PCDH7: variants seen among roughly 807,000 people sequenced by gnomAD.
PCDH7 encodes protocadherin-7.
In PCDH7, 17 loss-of-function variants were observed where a neutral mutation model predicts 58.9. That is an observed-to-expected ratio of 0.29 (90% CI 0.20 to 0.43). The LOEUF (loss-of-function observed/expected upper bound fraction) is 0.43. Ranked by LOEUF, PCDH7 falls within the 20% of genes least tolerant of loss-of-function variation. The pLI, the probability that PCDH7 is intolerant of heterozygous loss-of-function variation, is 1.00. For missense variants in PCDH7, 1,274 were observed against 1,441.0 expected, an observed-to-expected ratio of 0.88 and a Z score of 1.88; for synonymous variants, 664 against 616.4, an observed-to-expected ratio of 1.08 and a Z score of -1.14.
At chr4:30,978,140 C>T (rs565184214) in intron 3 of PCDH7, among the ~76,000 whole-genome samples, 1 of 152,152 alleles carries the variant, frequency 6.6e-6, no homozygotes, top group South Asian at 2.1e-4. Context: ...TCTGAGTTCA[C>T]AGAATCCTGA....
intron 1 of PCDH7, among the ~76,000 whole-genome samples, chr4:30,880,168 G>T (rs1736785444): frequency 6.6e-6 from 1 of 151,744 alleles, no homozygotes; most frequent in Non-Finnish European, 1.5e-5. Context: ...GAGCCAAGAG[G>T]TTTAACTAAC....
intron 3 of PCDH7, among the ~76,000 whole-genome samples, chr4:31,121,807 G>C (rs1270694063): frequency 6.6e-6 from 1 of 152,074 alleles, no homozygotes; most frequent in African/African-American, 2.4e-5. Flanking sequence ...TGATTCATCT[G>C]TAAGGAGTTC....
At chr4:30,852,608 A>G (rs1732901900) in intron 1 of PCDH7, among the ~76,000 whole-genome samples, 1 of 152,006 alleles carries the variant, frequency 6.6e-6, no homozygotes, top group African/African-American at 2.4e-5. Context: ...TTATTGAATC[A>G]TAATGGTCCT....
chr4:30,822,604 C>G (rs1728513828), intron 1 of PCDH7, among the ~76,000 whole-genome samples: 1 of 152,024 alleles, frequency 6.6e-6, no homozygotes, highest in Non-Finnish European at 1.5e-5. Flanking sequence ...GCTTCCACCT[C>G]TTTATATTAA....
chr4:30,827,324 A>T (rs548625560), intron 1 of PCDH7, among the ~76,000 whole-genome samples: 37 of 152,144 alleles, frequency 2.4e-4, no homozygotes, highest in Admixed American at 7.9e-4. Context: ...AGTTTAAGGA[A>T]TTTTTTTTCC....
chr4:31,062,931 TATATA>T (rs1757800336), intron 3 of PCDH7, among the ~76,000 whole-genome samples: 1 of 151,932 alleles, frequency 6.6e-6, no homozygotes, highest in Non-Finnish European at 1.5e-5. Context: ...GTGTATAATG[TATATA>T]ATATATTACA....
intron 2 of PCDH7, among the ~76,000 whole-genome samples, chr4:30,945,354 A>G (rs1319029634): frequency 6.6e-6 from 1 of 152,106 alleles, no homozygotes; most frequent in African/African-American, 2.4e-5. Flanking sequence ...TCTTCATTGT[A>G]TAATTGCTTA....
chr4:30,882,884 A>T (rs190775035), intron 1 of PCDH7, among the ~76,000 whole-genome samples: 114 of 152,152 alleles, frequency 7.5e-4, no homozygotes, highest in Non-Finnish European at 1.4e-3. Flanking sequence ...TGTTAACCTT[A>T]CTCCATTTTC....
intron 3 of PCDH7, among the ~76,000 whole-genome samples, chr4:31,079,307 A>AAGATATATATATATATAT (rs1759273052): frequency 1.1e-5 from 1 of 92,176 alleles, no homozygotes; most frequent in South Asian, 3.7e-4. Context: ...ACAATACTGG[A>AAGATATATATATATATAT]AGATATATAT....
intron 1 of PCDH7, among the ~76,000 whole-genome samples, chr4:30,879,968 C>T (rs1736757572): frequency 6.6e-6 from 1 of 152,066 alleles, no homozygotes; most frequent in Non-Finnish European, 1.5e-5. Context: ...TTGCATACTT[C>T]AGTTTTTAAC....
At chr4:31,084,876 C>T (rs1472973153) in intron 3 of PCDH7, among the ~76,000 whole-genome samples, 1 of 151,796 alleles carries the variant, frequency 6.6e-6, no homozygotes, top group Non-Finnish European at 1.5e-5. Flanking sequence ...CACTCATCAC[C>T]AAGGGGATGG....
At chr4:31,006,915 A>G (rs1752813097) in intron 3 of PCDH7, among the ~76,000 whole-genome samples, 1 of 123,862 alleles carries the variant, frequency 8.1e-6, no homozygotes, top group Non-Finnish European at 1.6e-5. Context: ...AAAGAAAAAG[A>G]AAAAGAAACA....
intron 3 of PCDH7, among the ~76,000 whole-genome samples, chr4:30,983,373 A>T (rs909473462): frequency 6.6e-6 from 1 of 152,224 alleles, no homozygotes; most frequent in Non-Finnish European, 1.5e-5. Flanking sequence ...TTGGACAAAG[A>T]TGAAAATCAG....
At chr4:30,951,831 C>T (rs753397698) in intron 3 of PCDH7, among the ~76,000 whole-genome samples, 31 of 152,196 alleles carry the variant, frequency 2.0e-4, no homozygotes, top group Non-Finnish European at 3.1e-4. Context: ...AGCTTCTCCT[C>T]ATTTCTCCCC....
At chr4:30,948,493 A>G (rs1427231428) in intron 2 of PCDH7, among the ~76,000 whole-genome samples, 1 of 152,132 alleles carries the variant, frequency 6.6e-6, no homozygotes, top group Non-Finnish European at 1.5e-5. Context: ...ACTTTATTTT[A>G]CTGAAATGCA....
chr4:30,873,159 G>C (rs1735837966), intron 1 of PCDH7, among the ~76,000 whole-genome samples: 1 of 151,996 alleles, frequency 6.6e-6, no homozygotes, highest in African/African-American at 2.4e-5. Context: ...TACTACTTCT[G>C]CTCAACTGGG....
At chr4:30,800,911 A>G (rs2109306118) in intron 1 of PCDH7, among the ~76,000 whole-genome samples, 1 of 152,328 alleles carries the variant, frequency 6.6e-6, no homozygotes, top group South Asian at 2.1e-4. Flanking sequence ...TTTGGAAGTC[A>G]TTGGAAGTTT....
chr4:30,804,930 G>A (rs1339908758), intron 1 of PCDH7, among the ~76,000 whole-genome samples: 2 of 152,112 alleles, frequency 1.3e-5, no homozygotes, highest in East Asian at 3.9e-4. Flanking sequence ...CTCCTTAATT[G>A]AGTCCTGTGG....
chr4:31,095,066 A>G (rs1221401977), intron 3 of PCDH7, among the ~76,000 whole-genome samples: 1 of 152,212 alleles, frequency 6.6e-6, no homozygotes, highest in Non-Finnish European at 1.5e-5. Flanking sequence ...TTACCTGTAT[A>G]AAAGCCAAAG....
Sources: gnomAD v4.1 joint callset for allele counts (sites outside exome capture counted in the v4.1 genomes callset) on GRCh38, gnomAD v4.1.1 for gene constraint, MANE v1.5 for transcripts, NCBI Gene and HGNC (gene_info 2026-07-23, HGNC 2026-07-21) for gene names.